The following GBX2 variants were observed in gnomAD, a reference collection of about 807,000 sequenced individuals.
GBX2 encodes the protein gastrulation brain homeobox 2.
Under a neutral mutation model 22.4 loss-of-function variants are expected in GBX2, and 5 were observed. The ratio of observed to expected loss-of-function variants is 0.22; its 90% CI spans 0.12 to 0.47. The LOEUF (loss-of-function observed/expected upper bound fraction) is 0.47. GBX2 is among the 20% of genes least tolerant of loss of function. The pLI, the probability that GBX2 is intolerant of heterozygous loss-of-function variation, is 0.99. For synonymous variants in GBX2, 220 were observed against 230.5 expected (o/e 0.95, Z 0.41); for missense variants, 470 against 495.4 (o/e 0.95, Z 0.49).
downstream of GBX2, among the ~76,000 whole-genome samples, chr2:236,163,401 C>T (rs1050037941): frequency 1.4e-4 from 21 of 152,354 alleles, 1 homozygote; most frequent in East Asian, 3.9e-4. Flanking sequence ...GAGCTCGGTC[C>T]CAGGAGCGGG....
downstream of GBX2, among the ~76,000 whole-genome samples, chr2:236,163,545 T>C (rs866330146): frequency 6.6e-6 from 1 of 152,196 alleles, no homozygotes; most frequent in Middle Eastern, 3.4e-3. Flanking sequence ...TTACACCTGT[T>C]ATGGTGGAAG....
chr2:236,162,222 CAT>C (rs1164085621), downstream of GBX2, among the ~76,000 whole-genome samples: 2 of 152,224 alleles, frequency 1.3e-5, no homozygotes, highest in Admixed American at 1.3e-4. Flanking sequence ...CACAGACAGC[CAT>C]AGAGTCAGGA....
chr2:236,162,785 T>C (rs1393050467), downstream of GBX2, among the ~76,000 whole-genome samples: 1 of 152,198 alleles, frequency 6.6e-6, no homozygotes, highest in Non-Finnish European at 1.5e-5. Context: ...TAACAACAAA[T>C]ATAGTGATGT....
At chr2:236,164,355 G>A (rs1041847124), downstream of GBX2, among the ~76,000 whole-genome samples, 7 of 152,084 alleles carry the variant, frequency 4.6e-5, no homozygotes, top group African/African-American at 1.4e-4. Context: ...GTGGCACCAC[G>A]CTCACACTCG....
chr2:236,167,450 G>C lies in GBX2; in HGVS notation c.522C>G (p.Leu174=), dbSNP rs761562679. 6.8e-7 allele frequency: 1 copy of C among 1,480,416 alleles called. No homozygotes were observed. Among genetic ancestry groups the C allele is most frequent in the Admixed American group, 2.1e-5 (1 of 47,282 alleles). The allele number at this position is 1,480,416 out of a possible 1,614,324, so 91.7% of individuals were successfully genotyped here. Residue 174 remains leucine, a splice_region_variant and synonymous_variant, in exon 1 of 2, where the codon CTC becomes CTG. Transcript: ENST00000306318. ...CGGCTGCGCGCGCCGCCGACTCACC[G>C]AGCGAAGCCTGCACCGTCTCGGCCG... is the stretch of plus-strand genomic sequence containing the variant. ...FSAAETVQAS[L]VGAVRGQGKD... is the part of the protein sequence containing the mutation.
Position 236,167,837 on chromosome 2 carries a change from G to A in GBX2, c.135C>T (p.Pro45=). ...SPGHFVYTGY[P]MFMPYRPVVL... Reference sequence around the variant, plus strand: ...CTACCGGCCGGTAGGGCATGAACATGGGGTAGCCGGTGTAGACGAAATGGC... The same window carrying A: ...CTACCGGCCGGTAGGGCATGAACATAGGGTAGCCGGTGTAGACGAAATGGC... The change falls in exon 1 of 2, where the codon CCC becomes CCT. Residue 45 remains proline (P), a synonymous_variant. Transcript: ENST00000306318. The A allele has an allele frequency of 1.3e-6, 2 of 1,495,546 alleles. No individual in the cohort carries two copies. Among genetic ancestry groups the A allele is most frequent in the African/African-American group, 1.4e-5 (1 of 68,998 alleles). The allele number at this position is 1,495,546 out of a possible 1,614,324, so 92.6% of individuals were successfully genotyped here. A position where few individuals can be genotyped will look rare whatever the true frequency, so the allele number is the denominator to read the frequency against.
At chr2:236,163,005 G>T (rs1289926431), downstream of GBX2, among the ~76,000 whole-genome samples, 1 of 152,182 alleles carries the variant, frequency 6.6e-6, no homozygotes, top group Non-Finnish European at 1.5e-5. Flanking sequence ...TGCTGGCCGA[G>T]CCTCGTGGGT....
Position 236,166,291 on chromosome 2 carries a change from G to C in GBX2, c.670C>G (p.Pro224Ala). The C allele has an allele frequency of 6.2e-7, 1 of 1,613,804 alleles. No individual in the cohort carries two copies. The highest frequency in any genetic ancestry group is 8.5e-7 in the Non-Finnish European group (1 of 1,180,008). The change falls in exon 2 of 2, where the codon CCG becomes GCG. Residue 224 changes from proline (P) to alanine (A), a missense_variant. Pro to Ala is a conservative substitution (Grantham distance 27, BLOSUM62 -1). This residue lies in a region of GBX2 where 377 missense variants were observed against 358.6 expected (regional missense o/e 1.05). Coordinates refer to ENST00000306318, the MANE Select transcript of GBX2 (RefSeq NM_001485.4). The surrounding 1 kb of genome is among the most constrained non-coding windows in gnomAD (Gnocchi z 6.6). ...TGQAAHKEEDPGHALEETPPS... is the reference protein window; with the variant it reads ...TGQAAHKEEDAGHALEETPPS... Reference sequence around the variant, plus strand: ...GGGGTCTCCTCCAGCGCGTGGCCCGGGTCTTCCTCCTTGTGAGCTGCCTGG... The same window carrying C: ...GGGGTCTCCTCCAGCGCGTGGCCCGCGTCTTCCTCCTTGTGAGCTGCCTGG...
Position 236,166,229 on chromosome 2 carries a change from C to T in GBX2, c.732G>A (p.Thr244=). ...SSGAAGSTTS[T]GKNRRRRTAF... is the part of the protein sequence containing the mutation. ...CAGTCCGCCGCCGCCGGTTCTTGCC[C>T]GTAGACGTGGTGCTGCCCGCGGCGC... The change falls in exon 2 of 2, where the codon ACG becomes ACA. Residue 244 remains threonine, a synonymous_variant. Coordinates refer to ENST00000306318, the MANE Select transcript of GBX2 (RefSeq NM_001485.4). This position sits in a 1 kb window ranked among gnomAD's most constrained non-coding sequence, Gnocchi z 6.6. 1 of 1,613,740 alleles carries T rather than the reference C, an allele frequency of 6.2e-7. No individual in the cohort carries two copies. The highest frequency in any genetic ancestry group is 1.1e-5 in the South Asian group (1 of 91,076).
At chr2:236,162,643 C>T (rs144853544), downstream of GBX2, among the ~76,000 whole-genome samples, 539 of 152,308 alleles carry the variant, frequency 3.5e-3, 3 homozygotes, top group Non-Finnish European at 4.7e-3. Context: ...GGCCCCCCTC[C>T]GACCTCTGCC....
At position 236,168,166 on chromosome 2, in the gene GBX2, G is replaced by C; in HGVS notation, c.-195C>G. 1 of 453,058 alleles carries C rather than the reference G, an allele frequency of 2.2e-6. No individual in the cohort carries two copies. Among genetic ancestry groups the C allele is most frequent in the Non-Finnish European group, 3.4e-6 (1 of 292,880 alleles). The allele number at this position is 453,058 out of a possible 1,614,324, so 28.1% of individuals were successfully genotyped here. A position where few individuals can be genotyped will look rare whatever the true frequency, so the allele number is the denominator to read the frequency against. ...GGGTGCAGGGGGTGTGCGGGGTGAG[G>C]CCGTGCGCCCCGGAGTGGAGAGGGC... is the stretch of plus-strand genomic sequence containing the variant. On this transcript the variant is annotated 5_prime_UTR_variant, in exon 1 of 2. Transcript: ENST00000306318.
chr2:236,161,820 C>T (rs867103166), downstream of GBX2, among the ~76,000 whole-genome samples: 5 of 152,228 alleles, frequency 3.3e-5, no homozygotes, highest in Non-Finnish European at 7.3e-5. Flanking sequence ...AAGAAGAGGG[C>T]CCCGAGAGGG....
Position 236,167,440 on chromosome 2 carries a change from C to A in GBX2, c.523+9G>T. ...CCCCTCGTCCCGGCTGCGCGCGCCG[C>A]CGACTCACCGAGCGAAGCCTGCACC... On this transcript the variant is annotated intron_variant, in intron 1 of 1. Transcript: ENST00000306318. The A allele has an allele frequency of 2.6e-6, 4 of 1,510,898 alleles. No homozygotes were observed. Among genetic ancestry groups the A allele is most frequent in the Non-Finnish European group, 3.5e-6 (4 of 1,141,596 alleles). 93.6% of individuals were successfully genotyped at this position (1,510,898 alleles called of 1,614,324 possible).
rs780526790 is a variant in GBX2, at chr2:236,165,965, G to C, written c.996C>G (p.Ser332Arg). The C allele has an allele frequency of 6.2e-7, 1 of 1,614,146 alleles. No individual in the cohort carries two copies. The highest frequency in any genetic ancestry group is 1.7e-5 in the Admixed American group (1 of 60,036). The change falls in exon 2 of 2, where the codon AGC (serine) becomes AGG (arginine). Residue 332 changes from serine (S) to arginine (R), a missense_variant. Transcript: ENST00000306318. ...GATGCTGACTTCTGATAGCGAACCT[G>C]CTGACGTGGACAGGGATGGGGACGA... Reference protein sequence around the residue: ...KIVVPIPVHVSRFAIRSQHQQ... With the variant: ...KIVVPIPVHVRRFAIRSQHQQ...
chr2:236,161,884 A>G (rs1330017503), downstream of GBX2, among the ~76,000 whole-genome samples: 1 of 152,186 alleles, frequency 6.6e-6, no homozygotes, highest in East Asian at 1.9e-4. Context: ...GGGACTAGGA[A>G]GGCCCCGAGG....
In GBX2 at chr2:236,167,787, G is replaced by C; in HGVS notation, c.185C>G (p.Pro62Arg). 1 of 1,392,526 alleles carries C rather than the reference G, an allele frequency of 7.2e-7. No individual in the cohort carries two copies. The allele number at this position is 1,392,526 out of a possible 1,614,324, so 86.3% of individuals were successfully genotyped here. Residue 62 changes from proline (P) to arginine (R), a missense_variant, in exon 1 of 2, where the codon CCG becomes CGG. Pro to Arg is a moderately radical substitution (Grantham distance 103, BLOSUM62 -2). Coordinates refer to ENST00000306318, the MANE Select transcript of GBX2 (RefSeq NM_001485.4). ...PVVLPPPPPP[P>R]PALPQAALQP... ...CAGCGCGGCCTGGGGCAGCGCGGGC[G>C]GCGGCGGCGGCGGCGGCGGCAGCAC...
rs1384677744 is a variant in GBX2, at chr2:236,166,306, G to A, written c.655C>T (p.His219Tyr). 1 of 1,613,920 alleles carries A rather than the reference G, an allele frequency of 6.2e-7. No homozygotes were observed. The highest frequency in any genetic ancestry group is 8.5e-7 in the Non-Finnish European group (1 of 1,180,020). The change falls in exon 2 of 2, where the codon CAC becomes TAC. Residue 219 changes from histidine (H) to tyrosine (Y), a missense_variant. His to Tyr is a moderately conservative substitution (Grantham distance 83). This residue lies in a region of GBX2 where 377 missense variants were observed against 358.6 expected (regional missense o/e 1.05). Transcript: ENST00000306318. The surrounding 1 kb of genome is among the most constrained non-coding windows in gnomAD (Gnocchi z 6.6). ...GCGTGGCCCGGGTCTTCCTCCTTGT[G>A]AGCTGCCTGGCCAGTCAGATTGTCA... Reference protein sequence around the residue: ...SDDNLTGQAAHKEEDPGHALE... With the variant: ...SDDNLTGQAAYKEEDPGHALE...
Position 236,167,982 on chromosome 2 carries a change from G to T in GBX2, c.-11C>A, listed in dbSNP as rs765080060. The T allele has an allele frequency of 9.1e-6, 14 of 1,542,986 alleles. No homozygotes were observed. Among genetic ancestry groups the T allele is most frequent in the Non-Finnish European group, 1.2e-5 (14 of 1,147,934 alleles). ...GAACGCTGCGCTCATAGACGCGCTC[G>T]GTAGAGGCCAGCGAGAGGCGAAAAG... is the stretch of plus-strand genomic sequence containing the variant. On this transcript the variant is annotated 5_prime_UTR_variant, in exon 1 of 2. Coordinates refer to ENST00000306318, the MANE Select transcript of GBX2 (RefSeq NM_001485.4).
rs754880659 is a variant in GBX2 at position 236,167,852 on chromosome 2, G to A, written c.120C>T (p.Val40=). 10 of 1,525,856 alleles carry A rather than the reference G, an allele frequency of 6.6e-6. No homozygotes were observed. Among genetic ancestry groups the A allele is most frequent in the Non-Finnish European group, 7.9e-6 (9 of 1,138,428 alleles). 94.5% of individuals were successfully genotyped at this position (1,525,856 alleles called of 1,614,324 possible). A position where few individuals can be genotyped will look rare whatever the true frequency, so the allele number is the denominator to read the frequency against. Residue 40 remains valine (V), a synonymous_variant, in exon 1 of 2, where the codon GTC becomes GTT. Transcript: ENST00000306318. Reference sequence around the variant, plus strand: ...GCATGAACATGGGGTAGCCGGTGTAGACGAAATGGCCGGGGCTGGGCTGCG... The same window carrying A: ...GCATGAACATGGGGTAGCCGGTGTAAACGAAATGGCCGGGGCTGGGCTGCG... ...SPPQPSPGHF[V]YTGYPMFMPY...
Sources: gnomAD v4.1 joint callset for allele counts (sites outside exome capture counted in the v4.1 genomes callset) on GRCh38, gnomAD v4.1.1 for gene constraint, gnomAD v4.1.1 regional missense constraint, Gnocchi (gnomAD v3.1) non-coding constraint, MANE v1.5 for transcripts, NCBI Gene and HGNC (gene_info 2026-07-23, HGNC 2026-07-21) for gene names.